Variants in TFEC observed in about 807,000 individuals in gnomAD.
TFEC encodes the protein class E basic helix-loop-helix protein 34.
In TFEC, 31 loss-of-function variants were observed where a neutral mutation model predicts 41.6. The ratio of observed to expected loss-of-function variants is 0.74; its 90% CI spans 0.56 to 1.01. The LOEUF (loss-of-function observed/expected upper bound fraction) is 1.01. TFEC is among the 50% of genes least tolerant of loss of function. The pLI is 0.00. For synonymous variants in TFEC, 143 were observed against 140.6 expected (o/e 1.02, Z -0.12); for missense variants, 402 against 404.1 (o/e 0.99, Z 0.04).
chr7:116,157,358 G>A (rs1016144283), intron 1 of TFEC: 1 of 150,342 alleles, frequency 6.7e-6, no homozygotes, highest in Admixed American at 6.6e-5. Context: ...AGTTAACATG[G>A]TCCTAGATGT....
At chr7:116,057,033 G>A (rs1298478953) in intron 3 of TFEC, among the ~76,000 whole-genome samples, 1 of 151,924 alleles carries the variant, frequency 6.6e-6, no homozygotes, top group Non-Finnish European at 1.5e-5. Flanking sequence ...AAATACGCTG[G>A]ATGGAAATAA....
At chr7:116,126,205 T>C (rs999840718) in intron 1 of TFEC, among the ~76,000 whole-genome samples, 4 of 152,050 alleles carry the variant, frequency 2.6e-5, no homozygotes, top group African/African-American at 9.7e-5. Context: ...AAACAAAGCC[T>C]GAAATTGATA....
In TFEC at chr7:115,984,446, G is replaced by A; in HGVS notation, c.-5C>T. The A allele has an allele frequency of 6.2e-7, 1 of 1,614,070 alleles. No individual in the cohort carries two copies. Among genetic ancestry groups the A allele is most frequent in the South Asian group, 1.1e-5 (1 of 91,082 alleles). ...GATCTGATGATCAAGGGTCATGAAA[G>A]AGTTTACTTTCTGTCTCTGGGCTTT... On this transcript the variant is annotated 5_prime_UTR_variant, in exon 2 of 8. Transcript: ENST00000265440.
intron 3 of TFEC, among the ~76,000 whole-genome samples, chr7:115,961,874 C>A (rs1022201490): frequency 3.3e-5 from 5 of 151,586 alleles, no homozygotes; most frequent in Non-Finnish European, 5.9e-5. Flanking sequence ...ATGAAATGAT[C>A]TCTGCTAACT....
chr7:116,143,522 C>T lies in TFEC; in HGVS notation c.-69+16268G>A, dbSNP rs564273644. 2.6e-5 allele frequency among the ~76,000 whole-genome samples: 4 copies of T among 152,278 alleles called. No individual in the cohort carries two copies. In the South Asian group the frequency reaches 8.3e-4, roughly 32 times the overall value. On this transcript the variant is annotated intron_variant, in intron 1 of 8. Coordinates refer to the TFEC transcript ENST00000484212. ...GGACAAACATCAGTCCAGGGTTTCC[C>T]AGCTGGAAGTAGACAGAGAAAACAT...
chr7:115,948,392 C>CA (rs1332398446), intron 6 of TFEC, among the ~76,000 whole-genome samples: 6 of 151,882 alleles, frequency 4.0e-5, no homozygotes, highest in South Asian at 4.2e-4. Context: ...AGAGACACAA[C>CA]AAAAAAAGAG....
chr7:116,140,123 G>A (rs1464515612), intron 1 of TFEC, among the ~76,000 whole-genome samples: 1 of 152,186 alleles, frequency 6.6e-6, no homozygotes, highest in Non-Finnish European at 1.5e-5. Context: ...GGACTGTGAG[G>A]AAATCCATTC....
rs911455693 is a variant in TFEC at position 115,940,406 on chromosome 7, T to G, written c.*145A>C. On this transcript the variant is annotated 3_prime_UTR_variant, in exon 8 of 8. Coordinates refer to ENST00000265440, the MANE Select transcript of TFEC (RefSeq NM_012252.4). ...CTATGATTTTTCTTCCTGCGAATTC[T>G]TCTGTTGCTTCTATCAGTTTTTCAT... 4 of 874,170 alleles carry G rather than the reference T, an allele frequency of 4.6e-6. No individual in the cohort carries two copies. The highest frequency in any genetic ancestry group is 5.0e-6 in the Non-Finnish European group (3 of 605,060). 54.2% of individuals were successfully genotyped at this position (874,170 alleles called of 1,614,324 possible). A position where few individuals can be genotyped will look rare whatever the true frequency, so the allele number is the denominator to read the frequency against.
chr7:116,128,744 A>G (rs1171973685), intron 1 of TFEC, among the ~76,000 whole-genome samples: 3 of 152,050 alleles, frequency 2.0e-5, no homozygotes, highest in Non-Finnish European at 2.9e-5. Context: ...TTTACTACTG[A>G]TAGTTTGAGA....
chr7:116,022,292 C>A (rs1451163156), intron 1 of TFEC, among the ~76,000 whole-genome samples: 1 of 152,004 alleles, frequency 6.6e-6, no homozygotes, highest in African/African-American at 2.4e-5. Flanking sequence ...TTTAAGAATC[C>A]CCTTAATTTA....
chr7:116,074,574 C>T (rs984915082), intron 3 of TFEC, among the ~76,000 whole-genome samples: 4 of 151,990 alleles, frequency 2.6e-5, no homozygotes, highest in African/African-American at 9.7e-5. Flanking sequence ...TTCATGCACA[C>T]TAAGATAGCT....
In TFEC at chr7:116,059,553, G is replaced by T. The variant is rs62475194; in HGVS notation, c.198+51155C>A. Among the ~76,000 whole-genome samples the T allele has an allele frequency of 8.5e-3, 1,298 of 151,826 alleles. 10 individuals carry two copies. Among genetic ancestry groups the T allele is most frequent in the Non-Finnish European group, 0.013 (913 of 67,826 alleles). Reference sequence around the variant, plus strand: ...TTACAAAACAAGAAAACTACAAATCGGTATCCTTTGCGAGCATAAATGGAA... The same window carrying T: ...TTACAAAACAAGAAAACTACAAATCTGTATCCTTTGCGAGCATAAATGGAA... On this transcript the variant is annotated intron_variant, in intron 3 of 8. Transcript: ENST00000484212.
chr7:115,941,531 A>G (rs1000097322), intron 7 of TFEC: 1 of 237,040 alleles, frequency 4.2e-6, no homozygotes, highest in Non-Finnish European at 8.0e-6. Context: ...ACTTAGTATT[A>G]TTATTTGATT....
intron 5 of TFEC, 102 bp from the exon 6 acceptor site, chr7:115,951,051 A>T (rs1254575405): frequency 3.5e-6 from 2 of 570,004 alleles, no homozygotes; most frequent in Non-Finnish European, 5.6e-6. Flanking sequence ...ATGGGAAAAA[A>T]ACTTTCCATT....
At chr7:116,059,471 G>A (rs926391058) in intron 3 of TFEC, among the ~76,000 whole-genome samples, 1 of 151,792 alleles carries the variant, frequency 6.6e-6, no homozygotes, top group Non-Finnish European at 1.5e-5. Flanking sequence ...AAAAAGGAGC[G>A]TCTTCTTCCC....
At chr7:116,046,463 C>T (rs1185154302) in intron 3 of TFEC, among the ~76,000 whole-genome samples, 1 of 152,004 alleles carries the variant, frequency 6.6e-6, no homozygotes, top group African/African-American at 2.4e-5. Flanking sequence ...GCTGCGTTTC[C>T]CCTCTTGCCA....
intron 3 of TFEC, among the ~76,000 whole-genome samples, chr7:115,959,988 C>T (rs962089845): frequency 6.6e-6 from 1 of 151,282 alleles, no homozygotes; most frequent in Non-Finnish European, 1.5e-5. Flanking sequence ...CAATGGGCGA[C>T]AGTATTTTAT....
Position 115,946,708 on chromosome 7 carries a change from C to A in TFEC, c.515+4166G>T, listed in dbSNP as rs911352623. Reference sequence around the variant, plus strand: ...TTTTTCTTTTCTCTTCTTTTCTTTTCTTTTCCTTTCTTTTTTTTAGAGGTC... The same window carrying A: ...TTTTTCTTTTCTCTTCTTTTCTTTTATTTTCCTTTCTTTTTTTTAGAGGTC... On this transcript the variant is annotated intron_variant, in intron 6 of 7. Transcript: ENST00000265440. 5.1e-5 allele frequency among the ~76,000 whole-genome samples: 5 copies of A among 98,498 alleles called. No individual in the cohort carries two copies. The East Asian group carries it at 1.4e-3, about 27-fold the overall frequency. The allele number at this position is 98,498 out of a possible 152,430, so 64.6% of individuals were successfully genotyped here.
At chr7:116,084,150 A>G (rs1208838784) in intron 3 of TFEC, among the ~76,000 whole-genome samples, 1 of 151,918 alleles carries the variant, frequency 6.6e-6, no homozygotes, top group Non-Finnish European at 1.5e-5. Context: ...ACTTTCCCCA[A>G]CTGTGCCCAG....
Sources: gnomAD v4.1 joint callset for allele counts (sites outside exome capture counted in the v4.1 genomes callset) on GRCh38, gnomAD v4.1.1 for gene constraint, MANE v1.5 for transcripts, NCBI Gene and HGNC (gene_info 2026-07-23, HGNC 2026-07-21) for gene names.